Variants in EXOSC10 observed in about 807,000 individuals in gnomAD.
EXOSC10 encodes the protein exosome component 10, also known as exosome complex component 10.
EXOSC10 carries 94 observed loss-of-function variants against 126.6 expected under a neutral mutation model. That is an observed-to-expected ratio of 0.74 (90% CI 0.63 to 0.88). The LOEUF (loss-of-function observed/expected upper bound fraction) is 0.88, where lower values mean the gene tolerates loss of function less well. Ranked by LOEUF, EXOSC10 falls within the 40% of genes least tolerant of loss-of-function variation. The pLI, the probability that EXOSC10 is intolerant of heterozygous loss-of-function variation, is 0.00. For missense variants in EXOSC10, 1,041 were observed against 1,100.5 expected (o/e 0.95, Z 0.77); for synonymous variants, 395 against 400.8 (o/e 0.99, Z 0.17).
At chr1:11,077,149 G>GC (rs1639863993) in intron 16 of EXOSC10, 1 of 621,106 alleles carries the variant, frequency 1.6e-6, no homozygotes, top group Admixed American at 2.9e-5. Flanking sequence ...CCACCACCAT[G>GC]CCAGCTAATT....
Position 11,099,819 on chromosome 1 carries a change from T to G in EXOSC10, c.13A>C (p.Ser5Arg). The change falls in exon 1 of 25, where the codon AGT becomes CGT. Residue 5 changes from serine (S) to arginine (R), a missense_variant. Ser to Arg is a moderately radical substitution (Grantham distance 110). Around this residue, in one of 3 missense-constraint regions of EXOSC10, gnomAD observed 645 missense variants for 656.3 expected, o/e 0.98. Transcript: ENST00000376936. Reference sequence around the variant, plus strand: ...GACAGGACCCTGGGCTCCCGGGTACTGGGTGGCGCCATTTTTTCAGCCTGC... The same window carrying G: ...GACAGGACCCTGGGCTCCCGGGTACGGGGTGGCGCCATTTTTTCAGCCTGC... MAPP[S>R]TREPRVLSAT... 6.2e-7 allele frequency: 1 copy of G among 1,606,480 alleles called. No individual in the cohort carries two copies. The highest frequency in any genetic ancestry group is 8.5e-7 in the Non-Finnish European group (1 of 1,176,050).
chr1:11,073,257 C>G (rs1036200402), intron 19 of EXOSC10, among the ~76,000 whole-genome samples: 2 of 152,126 alleles, frequency 1.3e-5, no homozygotes, highest in Non-Finnish European at 2.9e-5. Context: ...CTCAGCCCCC[C>G]GAGTAGCTGG....
At chr1:11,069,040 C>G (rs1194359269) in intron 22 of EXOSC10, 5 of 355,384 alleles carry the variant, frequency 1.4e-5, no homozygotes, top group Non-Finnish European at 2.6e-5. Flanking sequence ...TGAGGCGACA[C>G]TCCTGTATAA....
intron 14 of EXOSC10, among the ~76,000 whole-genome samples, chr1:11,078,537 G>A (rs1384732241): frequency 2.6e-5 from 4 of 152,056 alleles, no homozygotes; most frequent in East Asian, 1.9e-4. Flanking sequence ...GATTACAGGC[G>A]TGAGCCACCG....
Position 11,087,879 on chromosome 1 carries a change from T to C in EXOSC10, c.866A>G (p.His289Arg). The change falls in exon 8 of 25, where the codon CAT (histidine) becomes CGT (arginine). Residue 289 changes from histidine to arginine, a missense_variant. By Grantham distance (29) the His-to-Arg change is conservative. This residue lies in a region of EXOSC10 where 645 missense variants were observed against 656.3 expected (regional missense o/e 0.98). Coordinates refer to ENST00000376936, the MANE Select transcript of EXOSC10 (RefSeq NM_001001998.3). ...GAGTTCATCCAGGGAGGATATGAAA[T>C]GGCATGGTGTCTCTTCTATAGGTCT... ...LYRPIEETPC[H>R]FISSLDELVE... 4 of 1,613,020 alleles carry C rather than the reference T, an allele frequency of 2.5e-6. No homozygotes were observed. The highest frequency in any genetic ancestry group is 3.4e-6 in the Non-Finnish European group (4 of 1,179,144).
At chr1:11,067,388 T>C (rs11576271) in intron 24 of EXOSC10, among the ~76,000 whole-genome samples, 89,481 of 148,210 alleles carry the variant, frequency 0.6, 30,158 homozygotes, top group East Asian at 0.78. Context: ...GCAGAGATCG[T>C]GCCACTGCAC....
At chr1:11,090,519 T>A (rs760193499) in intron 6 of EXOSC10, 35 bp downstream of exon 6, 45 of 1,544,652 alleles carry the variant, frequency 2.9e-5, no homozygotes, top group Non-Finnish European at 4.0e-5. Flanking sequence ...AGGTAAGTAC[T>A]CACGGCAGAA....
At chr1:11,090,950 C>A (rs1207724235) in intron 5 of EXOSC10, 64 bp downstream of exon 5, 2 of 1,547,780 alleles carry the variant, frequency 1.3e-6, no homozygotes, top group African/African-American at 1.4e-5. Flanking sequence ...GACCTGTACA[C>A]CCTTCCTGGT....
chr1:11,096,014 T>G, intron 2 of EXOSC10, 133 bp from the exon 3 acceptor site: 1 of 1,001,518 alleles, frequency 1.0e-6, no homozygotes, highest in Non-Finnish European at 1.4e-6. Flanking sequence ...GAGACAGTCT[T>G]GCTCTGTTGC....
chr1:11,093,171 C>T (rs1162921962), intron 3 of EXOSC10, among the ~76,000 whole-genome samples: 1 of 152,162 alleles, frequency 6.6e-6, no homozygotes, highest in African/African-American at 2.4e-5. Flanking sequence ...GCAGGTAGGA[C>T]AGTAATTACC....
chr1:11,080,496 CACTT>C lies in EXOSC10; in HGVS notation c.1636_1637+2del, dbSNP rs772173896. On this transcript the variant is annotated splice_donor_variant and coding_sequence_variant, in exon 13 of 25. Transcript: ENST00000376936. LOFTEE classifies it high-confidence loss of function. ...GAACATATTAATCAGATTTGAAACT[CACTT>C]AGGCAGTTCTTCAGCTATTTTCAGC... The C allele has an allele frequency of 3.7e-6, 6 of 1,613,138 alleles. No homozygotes were observed. The African/African-American group carries it at 4.0e-5, about 11-fold the overall frequency.
intron 20 of EXOSC10, chr1:11,071,180 G>A (rs1639465913): frequency 3.5e-6 from 2 of 570,268 alleles, no homozygotes; most frequent in East Asian, 5.8e-5. Context: ...CTACACGTGA[G>A]CTGATCCTCC....
chr1:11,068,490 T>C, intron 23 of EXOSC10, 155 bp downstream of exon 23: 1 of 643,562 alleles, frequency 1.6e-6, no homozygotes, highest in Non-Finnish European at 2.8e-6. Flanking sequence ...GTTGCTGGGG[T>C]AGCTGATCAG....
intron 4 of EXOSC10, among the ~76,000 whole-genome samples, 157 bp from the exon 5 acceptor site, chr1:11,091,336 A>G (rs1023181285): frequency 2.6e-5 from 4 of 152,234 alleles, no homozygotes; most frequent in South Asian, 2.1e-4. Flanking sequence ...AAAGAGAAGA[A>G]GAGGGTGTAA....
chr1:11,080,561 AAAACACAC>A lies in EXOSC10; in HGVS notation c.1587-20_1587-13del, dbSNP rs749673847. 50 of 1,504,912 alleles carry A rather than the reference AAAACACAC, an allele frequency of 3.3e-5. No individual in the cohort carries two copies. The highest frequency in any genetic ancestry group is 2.1e-4 in the Middle Eastern group (1 of 4,680). 93.2% of individuals were successfully genotyped at this position (1,504,912 alleles called of 1,614,324 possible). On this transcript the variant is annotated splice_polypyrimidine_tract_variant and intron_variant, in intron 12 of 24. Transcript: ENST00000376936. The stretch of plus-strand genomic sequence containing the variant: ...TTGGCAGTACATATCTGGAAAAAAA[AAAACACAC>A]ACACACACACACACACACACACACA...
At chr1:11,078,509 G>A (rs908100331) in intron 14 of EXOSC10, among the ~76,000 whole-genome samples, 2 of 151,900 alleles carry the variant, frequency 1.3e-5, no homozygotes, top group Admixed American at 6.6e-5. Flanking sequence ...CGCCCGCCTC[G>A]GCCTCCCAAA....
At chr1:11,083,225 A>G (rs1173099884) in intron 9 of EXOSC10, among the ~76,000 whole-genome samples, 2 of 152,190 alleles carry the variant, frequency 1.3e-5, no homozygotes, top group South Asian at 4.1e-4. Flanking sequence ...CTGGGATTAC[A>G]GGCCTGAGCC....
intron 19 of EXOSC10, among the ~76,000 whole-genome samples, chr1:11,073,289 C>T (rs974580999): frequency 6.6e-6 from 1 of 152,126 alleles, no homozygotes; most frequent in African/African-American, 2.4e-5. Context: ...CCTGCCACGA[C>T]GCCTGGCTAA....
intron 23 of EXOSC10, 94 bp from the exon 24 acceptor site, chr1:11,068,178 G>A: frequency 1.0e-6 from 1 of 969,430 alleles, no homozygotes; most frequent in Non-Finnish European, 1.6e-6. Flanking sequence ...AAAGATTCTA[G>A]CAGCACAGGA....
Sources: gnomAD v4.1 joint callset for allele counts (sites outside exome capture counted in the v4.1 genomes callset) on GRCh38, gnomAD v4.1.1 for gene constraint, gnomAD v4.1.1 regional missense constraint, MANE v1.5 for transcripts, NCBI Gene and HGNC (gene_info 2026-07-23, HGNC 2026-07-21) for gene names.